Variants in TSHZ2 observed in about 807,000 individuals in gnomAD.
The protein encoded by TSHZ2 is teashirt zinc finger homeobox 2.
A neutral mutation model predicts 74.4 loss-of-function variants in TSHZ2; 21 were observed. The ratio of observed to expected loss-of-function variants is 0.28; its 90% confidence interval spans 0.20 to 0.41. TSHZ2 has a LOEUF of 0.41. Ranked by LOEUF, TSHZ2 falls within the 10% of genes least tolerant of loss-of-function variation. The pLI is 1.00. For missense variants in TSHZ2, 1,244 were observed against 1,293.5 expected, an observed-to-expected ratio of 0.96 and a Z score of 0.59; for synonymous variants, 540 against 515.3, an observed-to-expected ratio of 1.05 and a Z score of -0.65.
At chr20:53,211,892 C>T (rs1399102839) in intron 1 of TSHZ2, among the ~76,000 whole-genome samples, 2 of 152,180 alleles carry the variant, frequency 1.3e-5, no homozygotes, top group Non-Finnish European at 2.9e-5. Context: ...CCCTCCCACC[C>T]TCTCCCTCTT....
chr20:53,376,847 C>T (rs1007258428), intron 2 of TSHZ2, among the ~76,000 whole-genome samples: 1 of 152,232 alleles, frequency 6.6e-6, no homozygotes, highest in Non-Finnish European at 1.5e-5. Context: ...CAGAGGCCCA[C>T]AGAAGTTACA....
intron 1 of TSHZ2, among the ~76,000 whole-genome samples, chr20:53,062,713 T>C (rs1984860204): frequency 2.6e-5 from 4 of 152,244 alleles, no homozygotes; most frequent in Admixed American, 2.6e-4. Context: ...ATAAGGCTGG[T>C]TCACTTTCCT....
At chr20:53,290,937 A>G (rs1486613886) in intron 2 of TSHZ2, among the ~76,000 whole-genome samples, 2 of 152,180 alleles carry the variant, frequency 1.3e-5, no homozygotes, top group East Asian at 1.9e-4. Flanking sequence ...CTATAATGTC[A>G]TATTTGAGGG....
rs1986499762 is a variant in TSHZ2, at chr20:53,493,431, T to C, written c.*6296T>C. On this transcript the variant is annotated 3_prime_UTR_variant, in exon 3 of 3. Coordinates refer to ENST00000371497, the MANE Select transcript of TSHZ2 (RefSeq NM_173485.6). ...TGGGAAAACTGCACACTCATCCATG[T>C]AGAATTATTCTCTTTGTATTTTATC... 6.6e-6 allele frequency: 1 copy of C among 152,258 alleles called. No individual in the cohort carries two copies. The highest frequency in any genetic ancestry group is 1.5e-5 in the Non-Finnish European group (1 of 68,044). The allele number at this position is 152,258 out of a possible 1,614,324, so 9.4% of individuals were successfully genotyped here.
At chr20:53,052,567 A>C (rs1310603020) in intron 1 of TSHZ2, among the ~76,000 whole-genome samples, 1 of 152,180 alleles carries the variant, frequency 6.6e-6, no homozygotes, top group African/African-American at 2.4e-5. Context: ...TAAAAGGGTT[A>C]GGGTACTGCT....
At chr20:53,070,683 C>G (rs1365352481) in intron 1 of TSHZ2, among the ~76,000 whole-genome samples, 1 of 152,044 alleles carries the variant, frequency 6.6e-6, no homozygotes, top group South Asian at 2.1e-4. Context: ...TGTGTATTTA[C>G]CAATGTAGTG....
chr20:53,409,798 A>T (rs1600616715), intron 2 of TSHZ2, among the ~76,000 whole-genome samples: 1 of 150,812 alleles, frequency 6.6e-6, no homozygotes, highest in East Asian at 1.9e-4. Context: ...AAAGCCTTGA[A>T]AAAGGTCTTC....
intron 1 of TSHZ2, among the ~76,000 whole-genome samples, chr20:53,056,656 GCA>G (rs1272394190): frequency 1.3e-5 from 2 of 152,090 alleles, no homozygotes; most frequent in Non-Finnish European, 2.9e-5. Flanking sequence ...ACAAACCCCA[GCA>G]CACACTCAGC....
chr20:53,239,526 G>C (rs1440771178), intron 1 of TSHZ2, among the ~76,000 whole-genome samples: 1 of 152,100 alleles, frequency 6.6e-6, no homozygotes, highest in Non-Finnish European at 1.5e-5. Flanking sequence ...CACCTGGGAG[G>C]GGAGGTCAAG....
intron 2 of TSHZ2, among the ~76,000 whole-genome samples, chr20:53,342,258 T>C (rs1980236220): frequency 6.6e-6 from 1 of 151,130 alleles, no homozygotes; most frequent in Non-Finnish European, 1.5e-5. Flanking sequence ...CTACTTTCCA[T>C]GTCTCCTTGG....
intron 1 of TSHZ2, among the ~76,000 whole-genome samples, chr20:53,150,952 G>C (rs1292791920): frequency 6.6e-6 from 1 of 152,168 alleles, no homozygotes; most frequent in Non-Finnish European, 1.5e-5. Context: ...TGCTTGGAGA[G>C]ACAAATTAGC....
Position 53,256,454 on chromosome 20 carries a change from G to A in TSHZ2, c.2996G>A (p.Cys999Tyr). The A allele has an allele frequency of 6.2e-7, 1 of 1,614,134 alleles. No individual in the cohort carries two copies. Among genetic ancestry groups the A allele is most frequent in the South Asian group, 1.1e-5 (1 of 91,072 alleles). Residue 999 changes from cysteine (C) to tyrosine (Y), a missense_variant, in exon 2 of 3, where the codon TGC (cysteine) becomes TAC (tyrosine). Cys to Tyr is a radical substitution (Grantham distance 194). Coordinates refer to ENST00000371497, the MANE Select transcript of TSHZ2 (RefSeq NM_173485.6). The surrounding 1 kb of genome is among the most constrained non-coding windows in gnomAD (Gnocchi z 4.3). ...DTDSKFKCKL[C>Y]CRTFVSKHAV... ...GACTCTAAATTCAAGTGTAAGTTGTGCTGTCGGACATTTGTGAGCAAACAT... is the reference window on the plus strand; with the variant it reads ...GACTCTAAATTCAAGTGTAAGTTGTACTGTCGGACATTTGTGAGCAAACAT...
chr20:53,266,939 G>C (rs1990731979), intron 2 of TSHZ2, among the ~76,000 whole-genome samples: 1 of 152,046 alleles, frequency 6.6e-6, no homozygotes, highest in African/African-American at 2.4e-5. Context: ...ACCACACTCA[G>C]CTAATTTTCT....
At chr20:52,977,612 T>C (rs1459501213) in intron 1 of TSHZ2, among the ~76,000 whole-genome samples, 1 of 152,146 alleles carries the variant, frequency 6.6e-6, no homozygotes, top group African/African-American at 2.4e-5. Flanking sequence ...GGAAATTGAT[T>C]GCTTAAGTGG....
At chr20:53,286,204 C>T (rs1230653098) in intron 2 of TSHZ2, among the ~76,000 whole-genome samples, 1 of 152,136 alleles carries the variant, frequency 6.6e-6, no homozygotes, top group Non-Finnish European at 1.5e-5. Flanking sequence ...TGTGTTTGTT[C>T]CTAAGCGGAG....
chr20:53,035,177 G>A (rs1983775080), intron 1 of TSHZ2, among the ~76,000 whole-genome samples: 1 of 152,176 alleles, frequency 6.6e-6, no homozygotes, highest in Non-Finnish European at 1.5e-5. Context: ...GCCTCAAGTT[G>A]CATTTCTTAT....
intron 2 of TSHZ2, among the ~76,000 whole-genome samples, chr20:53,478,984 G>T (rs1306156812): frequency 6.6e-6 from 1 of 152,062 alleles, no homozygotes; most frequent in East Asian, 1.9e-4. Context: ...GGTCAACATG[G>T]TGAAACCCCA....
At chr20:53,059,879 T>C (rs1242571725) in intron 1 of TSHZ2, among the ~76,000 whole-genome samples, 2 of 152,226 alleles carry the variant, frequency 1.3e-5, no homozygotes, top group Non-Finnish European at 2.9e-5. Flanking sequence ...GTTCAAAATT[T>C]TTTGTTTTGC....
At chr20:53,145,454 C>G (rs1211796571) in intron 1 of TSHZ2, among the ~76,000 whole-genome samples, 2 of 152,064 alleles carry the variant, frequency 1.3e-5, no homozygotes, top group African/African-American at 4.8e-5. Flanking sequence ...CACATTCTTT[C>G]TTTGGTTGTT....
Sources: allele counts gnomAD v4.1 joint callset (sites outside exome capture counted in the v4.1 genomes callset), GRCh38; gene constraint gnomAD v4.1.1; non-coding constraint Gnocchi (gnomAD v3.1); transcripts MANE v1.5; gene names NCBI Gene and HGNC (gene_info 2026-07-23, HGNC 2026-07-21).